The following TPO variants were observed in gnomAD, a reference collection of about 807,000 sequenced individuals.
TPO encodes thyroid microsomal antigen.
In TPO, 78 loss-of-function variants were observed where a neutral mutation model predicts 96.9. That is an observed-to-expected ratio of 0.81 (90% confidence interval 0.67 to 0.97). The LOEUF (loss-of-function observed/expected upper bound fraction) is 0.97. Ranked by LOEUF, TPO falls within the 50% of genes least tolerant of loss-of-function variation. The pLI is 0.00. For missense variants in TPO, 1,252 were observed against 1,274.8 expected (o/e 0.98, Z 0.27); for synonymous variants, 547 against 538.0 (o/e 1.02, Z -0.23).
At chr2:1,479,037 T>C (rs6712430) in intron 8 of TPO, among the ~76,000 whole-genome samples, 82,895 of 152,122 alleles carry the variant, frequency 0.54, 22,870 homozygotes, top group African/African-American at 0.65. Flanking sequence ...ACCTTGTCAC[T>C]ATGTGAAGTA....
chr2:1,393,962 C>T (rs575628565), intron 1 of TPO, among the ~76,000 whole-genome samples: 4 of 152,170 alleles, frequency 2.6e-5, no homozygotes, highest in Non-Finnish European at 4.4e-5. Flanking sequence ...TGAAGTAATT[C>T]GTTGATGTTT....
intron 15 of TPO, among the ~76,000 whole-genome samples, chr2:1,534,164 C>A (rs1230174395): frequency 1.7e-5 from 1 of 58,430 alleles, no homozygotes; most frequent in African/African-American, 6.0e-5. Context: ...CAAATCCCCC[C>A]CAATGCGAGC....
chr2:1,537,333 C>A (rs1679982830), intron 15 of TPO, among the ~76,000 whole-genome samples: 1 of 114,880 alleles, frequency 8.7e-6, no homozygotes, highest in Non-Finnish European at 1.8e-5. Context: ...CCAACCTCCC[C>A]AAATCCTCCA....
intron 3 of TPO, among the ~76,000 whole-genome samples, chr2:1,427,378 C>T (rs76412612): frequency 0.017 from 2,569 of 152,330 alleles, 89 homozygotes; most frequent in East Asian, 0.13. Flanking sequence ...CATCAGCAAC[C>T]AGGTTCACCT....
At chr2:1,427,987 A>G (rs1038692773) in intron 3 of TPO, among the ~76,000 whole-genome samples, 4 of 152,190 alleles carry the variant, frequency 2.6e-5, no homozygotes, top group Non-Finnish European at 4.4e-5. Context: ...AAGCTATTGG[A>G]TGATGTCCCC....
intron 11 of TPO, 54 bp from the exon 12 acceptor site, chr2:1,495,935 G>A: frequency 6.3e-7 from 1 of 1,577,824 alleles, no homozygotes; most frequent in South Asian, 1.1e-5. Context: ...TTGAGTGCCT[G>A]CCCTGGGGGT....
intron 1 of TPO, among the ~76,000 whole-genome samples, chr2:1,402,010 G>A (rs1662179571): frequency 1.3e-5 from 2 of 152,176 alleles, no homozygotes; most frequent in African/African-American, 4.8e-5. Flanking sequence ...GTGGGCAGGT[G>A]GAGGGCACCC....
intron 8 of TPO, among the ~76,000 whole-genome samples, chr2:1,480,109 A>C (rs1235997240): frequency 6.6e-6 from 1 of 152,166 alleles, no homozygotes; most frequent in African/African-American, 2.4e-5. Context: ...ATGAAATAAT[A>C]ACAACAGCAA....
rs141684908 is a variant in TPO, at chr2:1,540,678, C to T, written c.2703C>T (p.Ala901=). The T allele has an allele frequency of 3.0e-4, 481 of 1,613,360 alleles. 1 individual carries two copies. In the Middle Eastern group the frequency reaches 4.5e-3, roughly 15 times the overall value. ...TPELRCGKHQ[A]VGTSPQRAAA... The stretch of plus-strand genomic sequence containing the variant: ...AGCTGAGATGCGGAAAGCACCAGGC[C>T]GTAGGGACCTCACCGCAGCGGGCCG... Residue 901 remains alanine (A), a synonymous_variant, in exon 16 of 17, where the codon GCC becomes GCT. Coordinates refer to ENST00000329066, the MANE Select transcript of TPO (RefSeq NM_001206744.2).
At chr2:1,400,318 C>A (rs976580136) in intron 1 of TPO, among the ~76,000 whole-genome samples, 9 of 152,038 alleles carry the variant, frequency 5.9e-5, no homozygotes, top group African/African-American at 1.9e-4. Context: ...CATGGTGAAA[C>A]CCTGTCTCTA....
chr2:1,427,561 G>T (rs78337486), intron 3 of TPO, among the ~76,000 whole-genome samples: 1 of 152,154 alleles, frequency 6.6e-6, no homozygotes, highest in Non-Finnish European at 1.5e-5. Flanking sequence ...GGCAAAGAGC[G>T]GGCACTGCAG....
intron 6 of TPO, among the ~76,000 whole-genome samples, chr2:1,455,566 G>A (rs573203755): frequency 1.8e-3 from 275 of 152,288 alleles, no homozygotes; most frequent in Middle Eastern, 0.01. Context: ...CTGGCGGAAC[G>A]GTGTTAAACA....
intron 5 of TPO, among the ~76,000 whole-genome samples, chr2:1,443,683 T>A (rs11686114): frequency 0.91 from 105,764 of 116,678 alleles, 48,229 homozygotes; most frequent in South Asian, 0.95. Flanking sequence ...AGGAGGCACC[T>A]TGTTGGAAGG....
chr2:1,525,141 C>G lies in TPO; in HGVS notation c.2618+8159C>G, dbSNP rs553481839. On this transcript the variant is annotated intron_variant, in intron 15 of 16. Coordinates refer to ENST00000329066, the MANE Select transcript of TPO (RefSeq NM_001206744.2). The stretch of plus-strand genomic sequence containing the variant: ...ACTGTGTGCAACCTCCCCAAATCAC[C>G]CTCACTGTGTGCAACCTCCTCAAGT... 1.3e-4 allele frequency among the ~76,000 whole-genome samples: 17 copies of G among 133,684 alleles called. 1 individual carries two copies. Among genetic ancestry groups the G allele is most frequent in the African/African-American group, 4.8e-4 (17 of 35,106 alleles). 87.7% of individuals were successfully genotyped at this position (133,684 alleles called of 152,430 possible). A position where few individuals can be genotyped will look rare whatever the true frequency, so the allele number is the denominator to read the frequency against.
rs575622093 is a variant in TPO, at chr2:1,487,895, G to A, written c.1672G>A (p.Glu558Lys). 5.6e-6 allele frequency: 9 copies of A among 1,614,206 alleles called. No individual in the cohort carries two copies. The highest frequency in any genetic ancestry group is 2.7e-5 in the African/African-American group (2 of 75,046). The change falls in exon 10 of 17, where the codon GAG (glutamate) becomes AAG (lysine). Residue 558 changes from glutamate (E) to lysine (K), a missense_variant. Coordinates refer to ENST00000329066, the MANE Select transcript of TPO (RefSeq NM_001206744.2). ...KLQVQDQLMN[E>K]ELTERLFVLS... ...GCAGGTGCAGGATCAGCTGATGAAC[G>A]AGGAGCTGACGGAAAGGCTCTTTGT... is the stretch of plus-strand genomic sequence containing the variant.
At chr2:1,384,350 A>T (rs1159281951) in intron 1 of TPO, among the ~76,000 whole-genome samples, 1 of 152,162 alleles carries the variant, frequency 6.6e-6, no homozygotes, top group Non-Finnish European at 1.5e-5. Context: ...TGAGCATGGA[A>T]TGTTCTTCCA....
At chr2:1,497,130 C>T (rs927607515) in intron 13 of TPO, among the ~76,000 whole-genome samples, 10 of 152,206 alleles carry the variant, frequency 6.6e-5, no homozygotes, top group Non-Finnish European at 1.3e-4. Flanking sequence ...GAGTAAGGCT[C>T]GCCTCCACCT....
In TPO at chr2:1,527,938, C is replaced by CCCCCACTGCGTGCAACCTCCTCAAATA. The variant is rs1210058120; in HGVS notation, c.2618+10983_2618+11009dup. On this transcript the variant is annotated intron_variant, in intron 15 of 16. Transcript: ENST00000329066. ...CCAATGTGAGCAACCTCCTCAAATC[C>CCCCCACTGCGTGCAACCTCCTCAAATA]CCCCACTGCGTGCAACCTCCTCAAA... is the stretch of plus-strand genomic sequence containing the variant. Among the ~76,000 whole-genome samples, 14 of 139,394 alleles carry CCCCCACTGCGTGCAACCTCCTCAAATA rather than the reference C, an allele frequency of 1.0e-4. No individual in the cohort carries two copies. In the South Asian group the frequency reaches 3.2e-3, roughly 32 times the overall value. The allele number at this position is 139,394 out of a possible 152,430, so 91.4% of individuals were successfully genotyped here. A position where few individuals can be genotyped will look rare whatever the true frequency, so the allele number is the denominator to read the frequency against.
Position 1,516,923 on chromosome 2 carries a change from G to A in TPO, c.2559G>A (p.Ser853=), listed in dbSNP as rs767749583. The stretch of plus-strand genomic sequence containing the variant: ...CTCGGGTGACTTGGATCTCCATGTC[G>A]CTGGCTGCTCTGCTGATCGGAGGCT... ...RLPRVTWISM[S]LAALLIGGFA... The change falls in exon 15 of 17, where the codon TCG becomes TCA. Residue 853 remains serine, a synonymous_variant. Transcript: ENST00000329066. The A allele has an allele frequency of 1.2e-5, 20 of 1,613,950 alleles. No individual in the cohort carries two copies. Among genetic ancestry groups the A allele is most frequent in the South Asian group, 1.2e-4 (11 of 91,084 alleles).
Sources: allele counts gnomAD v4.1 joint callset (sites outside exome capture counted in the v4.1 genomes callset), GRCh38; gene constraint gnomAD v4.1.1; transcripts MANE v1.5; gene names NCBI Gene and HGNC (gene_info 2026-07-23, HGNC 2026-07-21).